PTPRU: variants seen among roughly 807,000 people sequenced by gnomAD.
PTPRU encodes receptor-type tyrosine-protein phosphatase U.
PTPRU carries 69 observed loss-of-function variants against 166.3 expected under a neutral mutation model. That is an observed-to-expected ratio of 0.41 (90% CI 0.34 to 0.51). The LOEUF is 0.51. Ranked by LOEUF, PTPRU falls within the 20% of genes least tolerant of loss-of-function variation. The pLI is 0.09. For synonymous variants in PTPRU, 793 were observed against 814.0 expected (o/e 0.97, Z 0.44); for missense variants, 1,657 against 2,013.7 (o/e 0.82, Z 3.39).
chr1:29,294,132 T>C (rs922757966), intron 15 of PTPRU, among the ~76,000 whole-genome samples: 3 of 152,254 alleles, frequency 2.0e-5, no homozygotes, highest in African/African-American at 7.2e-5. Flanking sequence ...ACGTGCATCT[T>C]CAGCTTAATA....
Position 29,279,090 on chromosome 1 carries a change from A to G in PTPRU, c.1532A>G (p.Gln511Arg), listed in dbSNP as rs907538668. 4 of 1,586,720 alleles carry G rather than the reference A, an allele frequency of 2.5e-6. No homozygotes were observed. Among genetic ancestry groups the G allele is most frequent in the Admixed American group, 3.6e-5 (2 of 56,330 alleles). Residue 511 changes from glutamine to arginine, a missense_variant, in exon 9 of 30, where the codon CAG (glutamine) becomes CGG (arginine). Gln to Arg is a conservative substitution (Grantham distance 43). This residue lies in a region of PTPRU where 1,190 missense variants were observed against 1,477.4 expected (regional missense o/e 0.81). Coordinates refer to ENST00000373779, the MANE Select transcript of PTPRU (RefSeq NM_133178.4). This position sits in a 1 kb window ranked among gnomAD's most constrained non-coding sequence, Gnocchi z 5.2. ...ATCTTCCTCAAGTGGGAGGAGCCCC[A>G]GGAGCCCAATGGTCTCATCACCCAG... is the stretch of plus-strand genomic sequence containing the variant. ...DMIFLKWEEP[Q>R]EPNGLITQYE...
In PTPRU at chr1:29,311,466, T is replaced by A; in HGVS notation, c.2868T>A (p.Pro956=). ...TGCCTGCATCCCCAGGGCCGAAGCC[T>A]GAGATGGTCTATGACTTCTGGCGTA... is the stretch of plus-strand genomic sequence containing the variant. ...NHFIATQGPK[P]EMVYDFWRMV... Residue 956 remains proline, a synonymous_variant, in exon 20 of 30, where the codon CCT becomes CCA. Coordinates refer to ENST00000373779, the MANE Select transcript of PTPRU (RefSeq NM_133178.4). This position sits in a 1 kb window ranked among gnomAD's most constrained non-coding sequence, Gnocchi z 4.1. 6.2e-7 allele frequency: 1 copy of A among 1,614,044 alleles called. No individual in the cohort carries two copies. Among genetic ancestry groups the A allele is most frequent in the Non-Finnish European group, 8.5e-7 (1 of 1,179,948 alleles).
intron 15 of PTPRU, among the ~76,000 whole-genome samples, chr1:29,297,626 G>C (rs1190818167): frequency 2.0e-5 from 3 of 152,220 alleles, no homozygotes; most frequent in Non-Finnish European, 4.4e-5. Flanking sequence ...GAGACAGGGA[G>C]AGGTGTGACT....
intron 15 of PTPRU, among the ~76,000 whole-genome samples, chr1:29,298,276 CAAA>C (rs35978871): frequency 7.2e-6 from 1 of 139,022 alleles, no homozygotes; most frequent in Non-Finnish European, 1.6e-5. Flanking sequence ...AAAAAAAAGA[CAAA>C]AAAAAAAAAA....
In PTPRU at chr1:29,260,572, G is replaced by A; in HGVS notation, c.851-38G>A. On this transcript the variant is annotated intron_variant, in intron 6 of 29. Transcript: ENST00000373779. This position sits in a 1 kb window ranked among gnomAD's most constrained non-coding sequence, Gnocchi z 8.3. The stretch of plus-strand genomic sequence containing the variant: ...AGTTGGGTGCTGGGGTCTCACAGCA[G>A]CATCGGTCCGCCTCGCCTCTCCCCC... The A allele has an allele frequency of 4.8e-6, 7 of 1,452,164 alleles. No individual in the cohort carries two copies. Among genetic ancestry groups the A allele is most frequent in the Non-Finnish European group, 6.4e-6 (7 of 1,091,594 alleles). 90.0% of individuals were successfully genotyped at this position (1,452,164 alleles called of 1,614,324 possible).
At chr1:29,322,259 A>G in intron 26 of PTPRU, among the ~76,000 whole-genome samples, 1 of 152,206 alleles carries the variant, frequency 6.6e-6, no homozygotes, top group East Asian at 1.9e-4. Context: ...TTGCCCATGA[A>G]CAGCTCCCTG....
chr1:29,320,762 C>T lies in PTPRU; in HGVS notation c.3765C>T (p.Val1255=). The change falls in exon 26 of 30, where the codon GTC becomes GTT. Residue 1255 remains valine (V), a synonymous_variant. Coordinates refer to ENST00000373779, the MANE Select transcript of PTPRU (RefSeq NM_133178.4). This position sits in a 1 kb window ranked among gnomAD's most constrained non-coding sequence, Gnocchi z 5.2. ...QSTTPDFWRL[V]YDYGCTSIVM... The stretch of plus-strand genomic sequence containing the variant: ...CCACGCCCGACTTCTGGCGGCTGGT[C>T]TACGATTACGGGTGCACCTCCATCG... 2 of 1,608,898 alleles carry T rather than the reference C, an allele frequency of 1.2e-6. No individual in the cohort carries two copies. The highest frequency in any genetic ancestry group is 1.7e-4 in the Middle Eastern group (1 of 6,042).
intron 26 of PTPRU, among the ~76,000 whole-genome samples, chr1:29,321,817 T>G (rs1474362047): frequency 6.6e-6 from 1 of 152,122 alleles, no homozygotes; most frequent in Non-Finnish European, 1.5e-5. Flanking sequence ...ATGATGAGGG[T>G]GACAGTTGTA....
intron 15 of PTPRU, among the ~76,000 whole-genome samples, chr1:29,302,607 T>C (rs1211606410): frequency 6.6e-6 from 1 of 152,160 alleles, no homozygotes; most frequent in Non-Finnish European, 1.5e-5. Flanking sequence ...TGGAGTGCAG[T>C]GGCGCGATCT....
intron 14 of PTPRU, among the ~76,000 whole-genome samples, chr1:29,288,641 C>G (rs549739021): frequency 6.6e-6 from 1 of 152,272 alleles, no homozygotes; most frequent in South Asian, 2.1e-4. Context: ...CGCTCTCCTC[C>G]CCTTCATCTG....
rs751047173 is a variant in PTPRU at position 29,311,563 on chromosome 1, G to A, written c.2955+10G>A. The stretch of plus-strand genomic sequence containing the variant: ...GGTCGAGGTGGGCAGGGTAAGCCGG[G>A]CTGTGGGGCGAGCTGGGGCGCATGG... On this transcript the variant is annotated intron_variant, in intron 20 of 29. Coordinates refer to ENST00000373779, the MANE Select transcript of PTPRU (RefSeq NM_133178.4). The surrounding 1 kb of genome is among the most constrained non-coding windows in gnomAD (Gnocchi z 4.1). The A allele has an allele frequency of 6.2e-7, 1 of 1,614,100 alleles. No homozygotes were observed. Among genetic ancestry groups the A allele is most frequent in the South Asian group, 1.1e-5 (1 of 91,090 alleles).
chr1:29,260,756 G>A lies in PTPRU; in HGVS notation c.997G>A (p.Glu333Lys). The A allele has an allele frequency of 6.2e-7, 1 of 1,612,856 alleles. No homozygotes were observed. The highest frequency in any genetic ancestry group is 8.5e-7 in the Non-Finnish European group (1 of 1,179,450). The change falls in exon 7 of 30, where the codon GAG (glutamate) becomes AAG (lysine). Residue 333 changes from glutamate (E) to lysine (K), a missense_variant. By Grantham distance (56) the Glu-to-Lys change is moderately conservative. Around this residue, in one of 3 missense-constraint regions of PTPRU, gnomAD observed 453 missense variants for 496.9 expected, o/e 0.91. Transcript: ENST00000373779. The surrounding 1 kb of genome is among the most constrained non-coding windows in gnomAD (Gnocchi z 8.3). The part of the protein sequence containing the change: ...EYRMARGPWA[E>K]VHAVSLQTYK... The stretch of plus-strand genomic sequence containing the variant: ...CCGCATGGCGCGCGGGCCCTGGGCT[G>A]AGGTGCACGCCGTCAGCCTGCAGAC...
chr1:29,283,050 A>C lies in PTPRU; in HGVS notation c.2142+101A>C. 5 of 1,494,430 alleles carry C rather than the reference A, an allele frequency of 3.3e-6. No individual in the cohort carries two copies. In the East Asian group the frequency reaches 1.1e-4, roughly 34 times the overall value. 92.6% of individuals were successfully genotyped at this position (1,494,430 alleles called of 1,614,324 possible). On this transcript the variant is annotated intron_variant, in intron 12 of 29. Transcript: ENST00000373779. The stretch of plus-strand genomic sequence containing the variant: ...GCCCAGCGCAGACTCCAGGCCCGGC[A>C]CTTCCCATAGCCCCACCTCCCATAG...
intron 15 of PTPRU, among the ~76,000 whole-genome samples, chr1:29,292,978 G>C (rs1686711428): frequency 6.6e-6 from 1 of 150,804 alleles, no homozygotes; most frequent in South Asian, 2.1e-4. Context: ...ACCATACCCG[G>C]CTAATTTTTT....
At position 29,311,213 on chromosome 1, in the gene PTPRU, C is replaced by G; in HGVS notation, c.2858-243C>G. ...TCATGCCATTGCCCAACCATCTGGT[C>G]CTCCTCCAGGGTCCCATTCAGGATG... is the stretch of plus-strand genomic sequence containing the variant. On this transcript the variant is annotated intron_variant, in intron 19 of 29. Transcript: ENST00000373779. This position sits in a 1 kb window ranked among gnomAD's most constrained non-coding sequence, Gnocchi z 4.1. 2 of 591,940 alleles carry G rather than the reference C, an allele frequency of 3.4e-6. No homozygotes were observed. Among genetic ancestry groups the G allele is most frequent in the South Asian group, 4.0e-5 (2 of 49,680 alleles). 36.7% of individuals were successfully genotyped at this position (591,940 alleles called of 1,614,324 possible). A position where few individuals can be genotyped will look rare whatever the true frequency, so the allele number is the denominator to read the frequency against.
At position 29,257,852 on chromosome 1, in the gene PTPRU, T is replaced by C. The variant is rs1684841044; in HGVS notation, c.206-653T>C. 6.6e-6 allele frequency among the ~76,000 whole-genome samples: 1 copy of C among 152,110 alleles called. No homozygotes were observed. Among genetic ancestry groups the C allele is most frequent in the African/African-American group, 2.4e-5 (1 of 41,414 alleles). On this transcript the variant is annotated intron_variant, in intron 2 of 29. Transcript: ENST00000373779. The surrounding 1 kb of genome is among the most constrained non-coding windows in gnomAD (Gnocchi z 4.6). ...GAGGGACTGTTGTGTGCCAAGCTCT[T>C]GACTCCAGGGATGAATGACCTAGTC... is the stretch of plus-strand genomic sequence containing the variant.
chr1:29,311,877 G>A lies in PTPRU; in HGVS notation c.3072+118G>A, dbSNP rs556424078. 2 of 1,008,372 alleles carry A rather than the reference G, an allele frequency of 2.0e-6. No individual in the cohort carries two copies. The highest frequency in any genetic ancestry group is 3.0e-6 in the Non-Finnish European group (2 of 670,756). The allele number at this position is 1,008,372 out of a possible 1,614,324, so 62.5% of individuals were successfully genotyped here. A position where few individuals can be genotyped will look rare whatever the true frequency, so the allele number is the denominator to read the frequency against. On this transcript the variant is annotated intron_variant, in intron 21 of 29. Coordinates refer to ENST00000373779, the MANE Select transcript of PTPRU (RefSeq NM_133178.4). The surrounding 1 kb of genome is among the most constrained non-coding windows in gnomAD (Gnocchi z 4.1). ...GAGGAGCGCACCACTGCCCATCCCA[G>A]CAAGGAAGCTACTTGGTCACTGTTG...
At chr1:29,299,541 C>T (rs1687045459) in intron 15 of PTPRU, among the ~76,000 whole-genome samples, 2 of 152,204 alleles carry the variant, frequency 1.3e-5, no homozygotes, top group Non-Finnish European at 2.9e-5. Flanking sequence ...TTAGGCTCAG[C>T]TGTCAGCTGC....
intron 1 of PTPRU, among the ~76,000 whole-genome samples, chr1:29,251,242 ACT>A (rs1684531817): frequency 6.7e-6 from 1 of 150,094 alleles, no homozygotes; most frequent in South Asian, 2.1e-4. Context: ...ACAGAATGAG[ACT>A]CTATCTCAAA....
Sources: allele counts gnomAD v4.1 joint callset (sites outside exome capture counted in the v4.1 genomes callset), GRCh38; gene constraint gnomAD v4.1.1; regional missense constraint gnomAD v4.1.1; non-coding constraint Gnocchi (gnomAD v3.1); transcripts MANE v1.5; gene names NCBI Gene and HGNC (gene_info 2026-07-23, HGNC 2026-07-21).